Variants in MRPL13 observed in about 807,000 individuals in gnomAD.
MRPL13 encodes the protein large ribosomal subunit protein uL13m.
MRPL13 carries 33 observed loss-of-function variants against 29.0 expected under a neutral mutation model. The ratio of observed to expected loss-of-function variants is 1.14; its 90% confidence interval spans 0.86 to 1.52. MRPL13 has a LOEUF of 1.52. Among genes scored for constraint, MRPL13 ranks in the 40% most tolerant of loss-of-function variants. The probability of loss-of-function intolerance (pLI) is 0.00; values close to 1 mark genes in which losing one functional copy is unlikely to be tolerated. For synonymous variants in MRPL13, 77 were observed against 68.4 expected (o/e 1.13, Z -0.62); for missense variants, 227 against 216.7 (o/e 1.05, Z -0.30).
At chr8:120,410,787 T>C (rs528576044) in intron 6 of MRPL13, among the ~76,000 whole-genome samples, 9 of 151,166 alleles carry the variant, frequency 6.0e-5, no homozygotes, top group Non-Finnish European at 1.2e-4. Flanking sequence ...CCTTTCTCTC[T>C]CTTTTTTTTT....
chr8:120,402,647 T>C (rs1563770292), intron 6 of MRPL13, among the ~76,000 whole-genome samples: 1 of 152,022 alleles, frequency 6.6e-6, no homozygotes, highest in Non-Finnish European at 1.5e-5. Context: ...AATTGACAAA[T>C]GGGATCTAAT....
intron 6 of MRPL13, among the ~76,000 whole-genome samples, chr8:120,402,540 T>C (rs943379551): frequency 6.6e-6 from 1 of 152,008 alleles, no homozygotes; most frequent in Non-Finnish European, 1.5e-5. Flanking sequence ...CCCCAAACTA[T>C]AAAACCCTAG....
chr8:120,396,103 CTT>C lies in MRPL13; in HGVS notation c.536_537del (p.Ter179=), dbSNP rs751198248. Reference sequence around the variant, plus strand: ...TGTTATTTTCTGCAATTCTTATTCTCTTATAGCCGATAATCTTCAGGTCTGAA... The same window carrying C: ...TGTTATTTTCTGCAATTCTTATTCTCATAGCCGATAATCTTCAGGTCTGAA... ...LWTPPEDYRL[*>X] On this transcript the variant is annotated frameshift_variant and stop_lost, in exon 7 of 7. Transcript: ENST00000306185. LOFTEE classifies it high-confidence loss of function. 3 of 1,585,042 alleles carry C rather than the reference CTT, an allele frequency of 1.9e-6. No individual in the cohort carries two copies. The African/African-American group carries it at 4.0e-5, about 21-fold the overall frequency.
chr8:120,399,420 A>T (rs1812561669), intron 6 of MRPL13, among the ~76,000 whole-genome samples: 1 of 152,176 alleles, frequency 6.6e-6, no homozygotes, highest in Non-Finnish European at 1.5e-5. Flanking sequence ...AGAAGAAATA[A>T]GATCTTTTTC....
At chr8:120,410,859 C>A (rs1323737947) in intron 6 of MRPL13, among the ~76,000 whole-genome samples, 1 of 151,878 alleles carries the variant, frequency 6.6e-6, no homozygotes, top group African/African-American at 2.4e-5. Flanking sequence ...TCGGCAACCT[C>A]CGCCTCCCGG....
Position 120,425,285 on chromosome 8 carries a change from TA to T in MRPL13, c.306+20del. On this transcript the variant is annotated intron_variant, in intron 4 of 6. Transcript: ENST00000306185. ...AATTGGTCTTTCCAAAGATGATTAATAAAAAATACAAGAAACTTACTGCCAC... is the reference window on the plus strand; with the variant it reads ...AATTGGTCTTTCCAAAGATGATTAATAAAAATACAAGAAACTTACTGCCAC... 1 of 1,594,550 alleles carries T rather than the reference TA, an allele frequency of 6.3e-7. No individual in the cohort carries two copies.
In MRPL13 at chr8:120,443,290, T is replaced by C. The variant is rs373743772; in HGVS notation, c.46A>G (p.Arg16Gly). The change falls in exon 2 of 7, where the codon AGA becomes GGA. Residue 16 changes from arginine (R) to glycine (G), a missense_variant. By Grantham distance (125) the Arg-to-Gly change is moderately radical (BLOSUM62 -2). Transcript: ENST00000306185. ...TTCCCATCTAAGAGATACCATATTC[T>C]AGCAAAAGTGGCCCATTGCTTGGGG... ...RAPQQWATFA[R>G]IWYLLDGKMQ... is the part of the protein sequence containing the mutation. 1.5e-5 allele frequency: 23 copies of C among 1,578,336 alleles called. No homozygotes were observed. The African/African-American group carries it at 3.2e-4, about 22-fold the overall frequency.
intron 6 of MRPL13, among the ~76,000 whole-genome samples, chr8:120,410,342 C>T (rs1248754674): frequency 1.3e-5 from 2 of 152,100 alleles, no homozygotes; most frequent in African/African-American, 4.8e-5. Context: ...ATATTCTTGG[C>T]TTAGCTATGT....
chr8:120,426,305 C>G (rs1030446614), intron 3 of MRPL13, among the ~76,000 whole-genome samples: 1 of 151,852 alleles, frequency 6.6e-6, no homozygotes, highest in Non-Finnish European at 1.5e-5. Context: ...CCATATGTTC[C>G]CTTCAATAAA....
At chr8:120,399,010 A>T (rs939997916) in intron 6 of MRPL13, among the ~76,000 whole-genome samples, 1 of 151,968 alleles carries the variant, frequency 6.6e-6, no homozygotes, top group Non-Finnish European at 1.5e-5. Context: ...GTAAAAACCT[A>T]TGACTAATTG....
chr8:120,429,182 A>C (rs1046742510), intron 3 of MRPL13, among the ~76,000 whole-genome samples: 1 of 152,190 alleles, frequency 6.6e-6, no homozygotes, highest in East Asian at 1.9e-4. Flanking sequence ...AAAGAACAAG[A>C]TCATGTCCTT....
intron 4 of MRPL13, 22 bp from the exon 5 acceptor site, chr8:120,419,960 CAAT>C: frequency 6.8e-7 from 1 of 1,468,874 alleles, no homozygotes; most frequent in Admixed American, 2.2e-5. Context: ...ACATAGGACA[CAAT>C]AAGAAAATTG....
chr8:120,416,202 G>C (rs1812800588), intron 5 of MRPL13: 2 of 152,156 alleles, frequency 1.3e-5, no homozygotes, highest in Admixed American at 1.3e-4. Flanking sequence ...GGAGATTTAA[G>C]AGTTCTCTTT....
intron 6 of MRPL13, among the ~76,000 whole-genome samples, chr8:120,402,757 AG>A (rs1437678068): frequency 6.6e-6 from 1 of 152,236 alleles, no homozygotes; most frequent in Non-Finnish European, 1.5e-5. Flanking sequence ...CATCTGACAA[AG>A]GTCTAATATC....
chr8:120,396,401 A>T (rs1468435882), intron 6 of MRPL13, among the ~76,000 whole-genome samples: 1 of 152,148 alleles, frequency 6.6e-6, no homozygotes, highest in Non-Finnish European at 1.5e-5. Context: ...ATTTGAATTC[A>T]ATTTCTCTGT....
intron 3 of MRPL13, among the ~76,000 whole-genome samples, chr8:120,427,531 C>A (rs1032755417): frequency 6.6e-6 from 1 of 152,130 alleles, no homozygotes; most frequent in Non-Finnish European, 1.5e-5. Context: ...TAGACACCAG[C>A]AACAGTCAAG....
At position 120,428,959 on chromosome 8, in the gene MRPL13, C is replaced by G. The variant is rs1812965264; in HGVS notation, c.245+3071G>C. On this transcript the variant is annotated intron_variant, in intron 3 of 6. Coordinates refer to ENST00000306185, the MANE Select transcript of MRPL13 (RefSeq NM_014078.6). ...TGGCGATTCCTCAAAGTCCTACAGACAGAAATACCATTTGACCCAGCAATC... is the reference window on the plus strand; with the variant it reads ...TGGCGATTCCTCAAAGTCCTACAGAGAGAAATACCATTTGACCCAGCAATC... Among the ~76,000 whole-genome samples the G allele has an allele frequency of 3.9e-5, 6 of 152,098 alleles. No individual in the cohort carries two copies. In the South Asian group the frequency reaches 1.2e-3, roughly 32 times the overall value.
rs1812519259 is a variant in MRPL13 at position 120,396,072 on chromosome 8, C to T, written c.*32G>A. On this transcript the variant is annotated 3_prime_UTR_variant, in exon 7 of 7. Transcript: ENST00000306185. ...ACTCATCAGAAGAAAGTTTCAATCA[C>T]TTCACTGTTATTTTCTGCAATTCTT... is the stretch of plus-strand genomic sequence containing the variant. 2 of 1,565,858 alleles carry T rather than the reference C, an allele frequency of 1.3e-6. No individual in the cohort carries two copies. The highest frequency in any genetic ancestry group is 1.8e-5 in the Admixed American group (1 of 55,254).
At chr8:120,419,328 T>C (rs1036912639) in intron 5 of MRPL13, among the ~76,000 whole-genome samples, 2 of 151,946 alleles carry the variant, frequency 1.3e-5, no homozygotes, top group Non-Finnish European at 2.9e-5. Flanking sequence ...AAAAGTTAAG[T>C]ACTTAAAACA....
Sources: allele counts gnomAD v4.1 joint callset (sites outside exome capture counted in the v4.1 genomes callset), GRCh38; gene constraint gnomAD v4.1.1; transcripts MANE v1.5; gene names NCBI Gene and HGNC (gene_info 2026-07-23, HGNC 2026-07-21).